FABP5: variants seen among roughly 807,000 people sequenced by gnomAD.
FABP5 encodes the protein fatty acid binding protein 5.
A neutral mutation model predicts 16.9 loss-of-function variants in FABP5; 7 were observed. The ratio of observed to expected loss-of-function variants is 0.41; its 90% CI spans 0.24 to 0.78. The LOEUF (loss-of-function observed/expected upper bound fraction) is 0.78, where lower values mean the gene tolerates loss of function less well. Among genes scored for constraint, FABP5 ranks in the 30% least tolerant of loss-of-function variants. FABP5 has a pLI of 0.30. For synonymous variants in FABP5, 37 were observed against 52.8 expected, an observed-to-expected ratio of 0.70 and a Z score of 1.30; for missense variants, 119 against 159.5, an observed-to-expected ratio of 0.75 and a Z score of 1.37.
In FABP5 at chr8:81,283,967, T is replaced by G; in HGVS notation, c.347T>G (p.Leu116Ter). Reference protein sequence around the residue: ...TITRKLKDGKLVVECVMNNVT... With the variant: ...TITRKLKDGK ...ACAAGAAAATTGAAAGATGGGAAAT[T>G]AGTGGTGGTAAGTGTCAAACTGCTG... Residue 116 changes from leucine to a stop codon, truncating the protein, a stop_gained, in exon 3 of 4, where the codon TTA becomes TGA. Transcript: ENST00000297258. LOFTEE classifies it high-confidence loss of function. 2.5e-6 allele frequency: 4 copies of G among 1,604,834 alleles called. No individual in the cohort carries two copies. Among genetic ancestry groups the G allele is most frequent in the Non-Finnish European group, 3.4e-6 (4 of 1,176,554 alleles).
Position 81,280,609 on chromosome 8 carries a change from A to G in FABP5, c.14A>G (p.Gln5Arg), listed in dbSNP as rs1306576138. 10 of 1,556,588 alleles carry G rather than the reference A, an allele frequency of 6.4e-6. No homozygotes were observed. Among genetic ancestry groups the G allele is most frequent in the Non-Finnish European group, 8.7e-6 (10 of 1,149,328 alleles). The change falls in exon 1 of 4, where the codon CAG becomes CGG. Residue 5 changes from glutamine to arginine, a missense_variant. Transcript: ENST00000297258. MATV[Q>R]QLEGRWRLVD... ...CCCGCACCCACCATGGCCACAGTTC[A>G]GCAGCTGGAAGGAAGATGGCGCCTG...
At chr8:81,283,588 T>A in intron 2 of FABP5, 50 bp downstream of exon 2, 1 of 1,515,824 alleles carries the variant, frequency 6.6e-7, no homozygotes, top group Non-Finnish European at 8.9e-7. Context: ...AATGATAGGC[T>A]GTATCAATAA....
At position 81,281,038 on chromosome 8, in the gene FABP5, C is replaced by G. The variant is rs1807821966; in HGVS notation, c.79+364C>G. On this transcript the variant is annotated intron_variant, in intron 1 of 3. Coordinates refer to ENST00000297258, the MANE Select transcript of FABP5 (RefSeq NM_001444.3). The surrounding 1 kb of genome is among the most constrained non-coding windows in gnomAD (Gnocchi z 4.5). ...ACCTCACGCTGCACTTCTTTCGACC[C>G]CCTCCAGGCGACCCTGTATTTCCCT... 2 of 218,272 alleles carry G rather than the reference C, an allele frequency of 9.2e-6. No homozygotes were observed. The highest frequency in any genetic ancestry group is 1.8e-5 in the Non-Finnish European group (2 of 109,812). The allele number at this position is 218,272 out of a possible 1,614,324, so 13.5% of individuals were successfully genotyped here.
rs1486958748 is a variant in FABP5, at chr8:81,280,594, C to T, written c.-2C>T. The T allele has an allele frequency of 1.3e-6, 2 of 1,554,188 alleles. No homozygotes were observed. The highest frequency in any genetic ancestry group is 3.9e-5 in the Admixed American group (2 of 51,186). ...CTGCACGCCAGCCCGCCCGCACCCA[C>T]CATGGCCACAGTTCAGCAGCTGGAA... On this transcript the variant is annotated 5_prime_UTR_variant, in exon 1 of 4. Coordinates refer to ENST00000297258, the MANE Select transcript of FABP5 (RefSeq NM_001444.3).
intron 1 of FABP5, 119 bp downstream of exon 1, chr8:81,280,793 C>T: frequency 1.1e-6 from 1 of 893,898 alleles, no homozygotes; most frequent in Non-Finnish European, 1.8e-6. Context: ...TACCCCCATC[C>T]CCTCCCATCT....
chr8:81,281,247 C>T lies in FABP5; in HGVS notation c.79+573C>T. ...TGGCGCGCAGTTTCCCGCAGAAATC[C>T]TGTGGAGGGGTCTGAGTGGCGCTAC... On this transcript the variant is annotated intron_variant, in intron 1 of 3. Transcript: ENST00000297258. The surrounding 1 kb of genome is among the most constrained non-coding windows in gnomAD (Gnocchi z 4.5). The T allele has an allele frequency of 1.3e-6, 1 of 749,028 alleles. No individual in the cohort carries two copies. The highest frequency in any genetic ancestry group is 1.6e-6 in the Non-Finnish European group (1 of 613,388). 46.4% of individuals were successfully genotyped at this position (749,028 alleles called of 1,614,324 possible).
chr8:81,283,439 C>A lies in FABP5; in HGVS notation c.153C>A (p.Asn51Lys). 1 of 1,612,232 alleles carries A rather than the reference C, an allele frequency of 6.2e-7. No individual in the cohort carries two copies. Among genetic ancestry groups the A allele is most frequent in the Middle Eastern group, 1.7e-4 (1 of 6,060 alleles). The change falls in exon 2 of 4, where the codon AAC (asparagine) becomes AAA (lysine). Residue 51 changes from asparagine (N) to lysine (K), a missense_variant. Asn to Lys is a moderately conservative substitution (Grantham distance 94, BLOSUM62 0). Transcript: ENST00000297258. The part of the protein sequence containing the change: ...PDCIITCDGK[N>K]LTIKTESTLK... ...GTATCATCACTTGTGATGGTAAAAA[C>A]CTCACCATAAAAACTGAGAGCACTT...
In FABP5 at chr8:81,281,269, C is replaced by T. The variant is rs1807826153; in HGVS notation, c.79+595C>T. On this transcript the variant is annotated intron_variant, in intron 1 of 3. Transcript: ENST00000297258. The surrounding 1 kb of genome is among the most constrained non-coding windows in gnomAD (Gnocchi z 4.5). ...ATCCTGTGGAGGGGTCTGAGTGGCG[C>T]TACAGCTTCAGCTTGCATTCCTCTG... 1.1e-6 allele frequency: 1 copy of T among 877,898 alleles called. No individual in the cohort carries two copies. Among genetic ancestry groups the T allele is most frequent in the Admixed American group, 6.2e-5 (1 of 16,186 alleles). 54.4% of individuals were successfully genotyped at this position (877,898 alleles called of 1,614,324 possible).
In FABP5 at chr8:81,280,541, A is replaced by G. The variant is rs1807805714; in HGVS notation, c.-55A>G. The G allele has an allele frequency of 2.2e-5, 34 of 1,532,382 alleles. No homozygotes were observed. In the South Asian group the frequency reaches 3.6e-4, roughly 16 times the overall value. 94.9% of individuals were successfully genotyped at this position (1,532,382 alleles called of 1,614,324 possible). The stretch of plus-strand genomic sequence containing the variant: ...CCGCCGGCGCCGGGTGCCTCACAGC[A>G]CGCTGCCACGCCGACGCAGACCCCT... On this transcript the variant is annotated 5_prime_UTR_variant, in exon 1 of 4. Transcript: ENST00000297258.
intron 3 of FABP5, 172 bp from the exon 4 acceptor site, chr8:81,284,342 G>A (rs1807879263): frequency 3.5e-6 from 2 of 564,972 alleles, no homozygotes; most frequent in East Asian, 2.8e-5. Context: ...CATATTATAA[G>A]CAAAACAACA....
At position 81,284,034 on chromosome 8, in the gene FABP5, C is replaced by G. The variant is rs1586290228; in HGVS notation, c.354+60C>G. 4.8e-6 allele frequency: 6 copies of G among 1,242,164 alleles called. No individual in the cohort carries two copies. The East Asian group carries it at 9.9e-5, about 20-fold the overall frequency. 76.9% of individuals were successfully genotyped at this position (1,242,164 alleles called of 1,614,324 possible). On this transcript the variant is annotated intron_variant, in intron 3 of 3. Transcript: ENST00000297258. ...TTGTGTGCATTCATAGTTCACATAA[C>G]TGTTCTATATCATTGATCATTAACA...
Position 81,283,451 on chromosome 8 carries a change from A to G in FABP5, c.165A>G (p.Lys55=), listed in dbSNP as rs777638387. 8.7e-6 allele frequency: 14 copies of G among 1,613,022 alleles called. No homozygotes were observed. The highest frequency in any genetic ancestry group is 1.2e-5 in the Non-Finnish European group (14 of 1,179,524). ...ITCDGKNLTI[K]TESTLKTTQF... is the part of the protein sequence containing the mutation. ...GTGATGGTAAAAACCTCACCATAAA[A>G]ACTGAGAGCACTTTGAAAACAACAC... The change falls in exon 2 of 4, where the codon AAA becomes AAG. Residue 55 remains lysine (K), a synonymous_variant. Transcript: ENST00000297258.
rs1001614661 is a variant in FABP5 at position 81,281,089 on chromosome 8, C to A, written c.79+415C>A. Reference sequence around the variant, plus strand: ...TTTTTCCCCCTTTACTCATCCTTCCCCTTCCTGCCACCATTCTGTCTCTCC... The same window carrying A: ...TTTTTCCCCCTTTACTCATCCTTCCACTTCCTGCCACCATTCTGTCTCTCC... On this transcript the variant is annotated intron_variant, in intron 1 of 3. Coordinates refer to ENST00000297258, the MANE Select transcript of FABP5 (RefSeq NM_001444.3). The surrounding 1 kb of genome is among the most constrained non-coding windows in gnomAD (Gnocchi z 4.5). 1.2e-5 allele frequency: 2 copies of A among 164,980 alleles called. No individual in the cohort carries two copies. The highest frequency in any genetic ancestry group is 6.4e-5 in the Admixed American group (1 of 15,698). 10.2% of individuals were successfully genotyped at this position (164,980 alleles called of 1,614,324 possible). A position where few individuals can be genotyped will look rare whatever the true frequency, so the allele number is the denominator to read the frequency against.
At chr8:81,283,634 A>G in intron 2 of FABP5, 96 bp downstream of exon 2, 1 of 1,316,338 alleles carries the variant, frequency 7.6e-7, no homozygotes, top group Non-Finnish European at 1.0e-6. Flanking sequence ...TTAATGAAAA[A>G]GTTATTTTAT....
chr8:81,284,261 A>T (rs1807878511), intron 3 of FABP5: 1 of 531,636 alleles, frequency 1.9e-6, no homozygotes, highest in Non-Finnish European at 3.3e-6. Flanking sequence ...CTATATCTTT[A>T]AAATAAGGAA....
chr8:81,280,918 G>T, intron 1 of FABP5: 3 of 506,906 alleles, frequency 5.9e-6, no homozygotes, highest in Non-Finnish European at 1.1e-5. Context: ...TCCGGAGGTG[G>T]TCCACCCCGT....
In FABP5 at chr8:81,280,784, A is replaced by AC. The variant is rs374806637; in HGVS notation, c.79+115dup. On this transcript the variant is annotated intron_variant, in intron 1 of 3. Coordinates refer to ENST00000297258, the MANE Select transcript of FABP5 (RefSeq NM_001444.3). Reference sequence around the variant, plus strand: ...TGGGGCAGGAGATGCTCGGCGGCCTACCCCCATCCCCTCCCATCTTCCCCA... The same window carrying AC: ...TGGGGCAGGAGATGCTCGGCGGCCTACCCCCCATCCCCTCCCATCTTCCCCA... The AC allele has an allele frequency of 1.3e-5, 13 of 997,556 alleles. No individual in the cohort carries two copies. The East Asian group carries it at 3.4e-4, about 26-fold the overall frequency. The allele number at this position is 997,556 out of a possible 1,614,324, so 61.8% of individuals were successfully genotyped here. A position where few individuals can be genotyped will look rare whatever the true frequency, so the allele number is the denominator to read the frequency against.
intron 1 of FABP5, 31 bp downstream of exon 1, chr8:81,280,705 C>CG: frequency 6.5e-7 from 1 of 1,543,754 alleles, no homozygotes; most frequent in Non-Finnish European, 8.8e-7. Context: ...GCGCCTGCAA[C>CG]GTGGCGTGTT....
chr8:81,284,108 A>G, intron 3 of FABP5, 134 bp downstream of exon 3: 1 of 651,412 alleles, frequency 1.5e-6, no homozygotes, highest in Non-Finnish European at 2.6e-6. Flanking sequence ...TAAATACTAG[A>G]ACACTAATTA....
Sources: allele counts gnomAD v4.1 joint callset, GRCh38; gene constraint gnomAD v4.1.1; non-coding constraint Gnocchi (gnomAD v3.1); transcripts MANE v1.5; gene names NCBI Gene and HGNC (gene_info 2026-07-23, HGNC 2026-07-21).